Variants in PTPRD observed in about 807,000 individuals in gnomAD.
The protein encoded by PTPRD is receptor-type tyrosine-protein phosphatase delta.
In PTPRD, 34 loss-of-function variants were observed where a neutral mutation model predicts 214.5. The observed-to-expected ratio is 0.16, with a 90% confidence interval of 0.12 to 0.21. The LOEUF is 0.21. Among genes scored for constraint, PTPRD ranks in the 10% least tolerant of loss-of-function variants. The pLI is 1.00. For missense variants in PTPRD, 2,545 were observed against 2,398.7 expected (o/e 1.06, Z -1.27); for synonymous variants, 1,128 against 845.7 (o/e 1.33, Z -5.79).
intron 10 of PTPRD, among the ~76,000 whole-genome samples, chr9:9,025,210 T>C (rs1173614471): frequency 2.0e-5 from 3 of 151,996 alleles, no homozygotes; most frequent in South Asian, 2.1e-4. Context: ...AGCAAGATGG[T>C]GGGACTAAGT....
chr9:10,293,352 A>G (rs1436929707), intron 3 of PTPRD, among the ~76,000 whole-genome samples: 1 of 151,986 alleles, frequency 6.6e-6, no homozygotes, highest in Non-Finnish European at 1.5e-5. Flanking sequence ...TATCAATTTA[A>G]AAACAGACAC....
intron 7 of PTPRD, among the ~76,000 whole-genome samples, chr9:9,722,871 T>C (rs2097988422): frequency 6.6e-6 from 1 of 152,138 alleles, no homozygotes; most frequent in Admixed American, 6.5e-5. Flanking sequence ...ATGCAAGTCA[T>C]TTGCATTTTT....
chr9:9,272,686 T>C (rs1943433295), intron 9 of PTPRD, among the ~76,000 whole-genome samples: 1 of 151,394 alleles, frequency 6.6e-6, no homozygotes, highest in Admixed American at 6.6e-5. Flanking sequence ...CCAGACTGCC[T>C]ACTCTTATTA....
At chr9:8,841,291 A>C (rs1485866941) in intron 11 of PTPRD, among the ~76,000 whole-genome samples, 1 of 152,246 alleles carries the variant, frequency 6.6e-6, no homozygotes, top group Non-Finnish European at 1.5e-5. Flanking sequence ...TTTGTGGATT[A>C]ACAGGTTCAA....
At chr9:8,570,170 T>G (rs984312008) in intron 14 of PTPRD, among the ~76,000 whole-genome samples, 14 of 152,172 alleles carry the variant, frequency 9.2e-5, no homozygotes, top group African/African-American at 3.4e-4. Context: ...TATATGTGAC[T>G]TCATTATATT....
At chr9:8,781,699 T>C (rs996481035) in intron 11 of PTPRD, among the ~76,000 whole-genome samples, 13 of 152,282 alleles carry the variant, frequency 8.5e-5, no homozygotes, top group African/African-American at 2.9e-4. Context: ...TCTCTGAATC[T>C]TAATCAGACT....
intron 21 of PTPRD, among the ~76,000 whole-genome samples, chr9:8,508,222 C>G (rs530122205): frequency 3.9e-5 from 6 of 152,292 alleles, no homozygotes; most frequent in African/African-American, 1.4e-4. Context: ...ATCTATTCAA[C>G]AGACAATTTG....
chr9:8,435,412 A>G (rs1326732391), intron 35 of PTPRD, among the ~76,000 whole-genome samples: 1 of 152,198 alleles, frequency 6.6e-6, no homozygotes, highest in Non-Finnish European at 1.5e-5. Context: ...TACAACAGAT[A>G]CCAAGAGGTA....
chr9:9,790,421 C>G (rs1427989144), intron 5 of PTPRD, among the ~76,000 whole-genome samples: 1 of 152,158 alleles, frequency 6.6e-6, no homozygotes, highest in Non-Finnish European at 1.5e-5. Flanking sequence ...TCTATGAAAT[C>G]TTAAAACCTA....
At chr9:9,723,949 A>G (rs1368856161) in intron 7 of PTPRD, among the ~76,000 whole-genome samples, 2 of 152,086 alleles carry the variant, frequency 1.3e-5, no homozygotes, top group Admixed American at 6.6e-5. Flanking sequence ...TATGTAATCT[A>G]GAGATAGAGA....
chr9:8,857,096 CG>C (rs2097931852), intron 11 of PTPRD, among the ~76,000 whole-genome samples: 1 of 152,188 alleles, frequency 6.6e-6, no homozygotes, highest in Non-Finnish European at 1.5e-5. Flanking sequence ...GATTCTGCCA[CG>C]GGAAGGTCTC....
rs1333840236 is a variant in PTPRD at position 8,486,126 on chromosome 9, G to C, written c.2691C>G (p.Ala897=). The C allele has an allele frequency of 2.5e-6, 4 of 1,614,038 alleles. No homozygotes were observed. In the African/African-American group the frequency reaches 5.3e-5, roughly 22 times the overall value. ...KGASYVFRLS[A]RNKVGFGEEM... ...CCTCCCCAAAGCCCACTTTGTTTCT[G>C]GCTGAGAGCCTGAAGACGTATGATG... The change falls in exon 28 of 46, where the codon GCC becomes GCG. Residue 897 remains alanine (A), a synonymous_variant. Coordinates refer to ENST00000381196, the MANE Select transcript of PTPRD (RefSeq NM_002839.4).
At chr9:9,996,458 T>G (rs1239364539) in intron 4 of PTPRD, among the ~76,000 whole-genome samples, 1 of 152,180 alleles carries the variant, frequency 6.6e-6, no homozygotes, top group African/African-American at 2.4e-5. Context: ...TCTGAGAGAA[T>G]GTAAACATGC....
rs929345340 is a variant in PTPRD, at chr9:10,518,738, T to C, written c.-600+93660A>G. ...TAGTACAGACAGGGTTTTACCGTGTTAGCCAAGATGGTCTTGATCTCCTGA... is the reference window on the plus strand; with the variant it reads ...TAGTACAGACAGGGTTTTACCGTGTCAGCCAAGATGGTCTTGATCTCCTGA... On this transcript the variant is annotated intron_variant, in intron 2 of 45. Coordinates refer to ENST00000381196, the MANE Select transcript of PTPRD (RefSeq NM_002839.4). 6.6e-5 allele frequency among the ~76,000 whole-genome samples: 10 copies of C among 152,216 alleles called. No homozygotes were observed. In the East Asian group the frequency reaches 9.7e-4, roughly 15 times the overall value.
In PTPRD at chr9:10,379,732, T is replaced by C. The variant is rs942049464; in HGVS notation, c.-599-38715A>G. ...TGATGGTTGTGCCTTAAAACCTTTATGTCTTTCTAACTTATTTATGATCAA... is the reference window on the plus strand; with the variant it reads ...TGATGGTTGTGCCTTAAAACCTTTACGTCTTTCTAACTTATTTATGATCAA... On this transcript the variant is annotated intron_variant, in intron 2 of 45. Coordinates refer to ENST00000381196, the MANE Select transcript of PTPRD (RefSeq NM_002839.4). 4.6e-5 allele frequency among the ~76,000 whole-genome samples: 7 copies of C among 152,088 alleles called. 1 individual carries two copies. Among genetic ancestry groups the C allele is most frequent in the Non-Finnish European group, 1.0e-4 (7 of 67,980 alleles).
At chr9:9,775,277 A>C (rs2098788381) in intron 5 of PTPRD, among the ~76,000 whole-genome samples, 1 of 152,184 alleles carries the variant, frequency 6.6e-6, no homozygotes, top group Non-Finnish European at 1.5e-5. Context: ...ATCACCATTA[A>C]TACTTGAGTT....
At chr9:10,151,849 C>T (rs2099063243) in intron 3 of PTPRD, among the ~76,000 whole-genome samples, 1 of 152,122 alleles carries the variant, frequency 6.6e-6, no homozygotes, top group Non-Finnish European at 1.5e-5. Flanking sequence ...AGGCTTCTTT[C>T]ATTTAGCATA....
chr9:9,529,432 C>A (rs1228990560), intron 8 of PTPRD, among the ~76,000 whole-genome samples: 1 of 151,980 alleles, frequency 6.6e-6, no homozygotes, highest in African/African-American at 2.4e-5. Context: ...TCTTATAACT[C>A]AATGTAAACC....
At chr9:8,678,085 A>G (rs1344509163) in intron 12 of PTPRD, among the ~76,000 whole-genome samples, 1 of 152,174 alleles carries the variant, frequency 6.6e-6, no homozygotes, top group Non-Finnish European at 1.5e-5. Flanking sequence ...AACACAGGCA[A>G]AACTTTACAT....
Sources: allele counts gnomAD v4.1 joint callset (sites outside exome capture counted in the v4.1 genomes callset), GRCh38; gene constraint gnomAD v4.1.1; transcripts MANE v1.5; gene names NCBI Gene and HGNC (gene_info 2026-07-23, HGNC 2026-07-21).